CACNB1: variants seen among roughly 807,000 people sequenced by gnomAD.
CACNB1 encodes the protein voltage-dependent L-type calcium channel subunit beta-1.
In CACNB1, 29 loss-of-function variants were observed where a neutral mutation model predicts 71.6. The ratio of observed to expected loss-of-function variants is 0.40; its 90% CI spans 0.30 to 0.55. The LOEUF (loss-of-function observed/expected upper bound fraction) is 0.55. Ranked by LOEUF, CACNB1 falls within the 20% of genes least tolerant of loss-of-function variation. The probability of loss-of-function intolerance (pLI) is 0.38; values close to 1 mark genes in which losing one functional copy is unlikely to be tolerated. For synonymous variants in CACNB1, 300 were observed against 319.6 expected, an observed-to-expected ratio of 0.94 and a Z score of 0.65; for missense variants, 623 against 801.8, an observed-to-expected ratio of 0.78 and a Z score of 2.69.
chr17:39,177,181 C>G (rs2045601118), intron 13 of CACNB1, 169 bp downstream of exon 13: 2 of 1,457,542 alleles, frequency 1.4e-6, no homozygotes, highest in African/African-American at 2.8e-5. Flanking sequence ...TTCCCTTCCT[C>G]CTCCATGTTC....
chr17:39,178,738 C>T (rs1284721876), intron 11 of CACNB1, among the ~76,000 whole-genome samples: 1 of 152,138 alleles, frequency 6.6e-6, no homozygotes, highest in Non-Finnish European at 1.5e-5. Context: ...GGGGCACTTG[C>T]TACATACCAG....
intron 6 of CACNB1, among the ~76,000 whole-genome samples, chr17:39,185,728 G>A (rs953509689): frequency 6.6e-6 from 1 of 152,060 alleles, no homozygotes; most frequent in African/African-American, 2.4e-5. Context: ...AGGTGTGGGG[G>A]CAACCTTCCA....
intron 13 of CACNB1, among the ~76,000 whole-genome samples, chr17:39,176,894 T>G (rs553661601): frequency 4.6e-5 from 7 of 151,846 alleles, no homozygotes; most frequent in Non-Finnish European, 7.4e-5. Context: ...GGAGGGAGAG[T>G]CCAGGTTTAA....
Position 39,184,401 on chromosome 17 carries a change from TGGGG to T in CACNB1, c.730-22_730-19del. On this transcript the variant is annotated intron_variant, in intron 8 of 13. Transcript: ENST00000394303. ...TCTGTAACCTGGGGGTGGGGGTTTGTGGGGAGGGAGGGAGGAGAAGGCAGGCATT... is the reference window on the plus strand; with the variant it reads ...TCTGTAACCTGGGGGTGGGGGTTTGTAGGGAGGGAGGAGAAGGCAGGCATT... 3 of 509,376 alleles carry T rather than the reference TGGGG, an allele frequency of 5.9e-6. No individual in the cohort carries two copies. The highest frequency in any genetic ancestry group is 5.7e-4 in the Middle Eastern group (1 of 1,766). 31.6% of individuals were successfully genotyped at this position (509,376 alleles called of 1,614,324 possible). A position where few individuals can be genotyped will look rare whatever the true frequency, so the allele number is the denominator to read the frequency against.
At chr17:39,191,685 C>T in intron 2 of CACNB1, 92 bp from the exon 3 acceptor site, 1 of 1,370,594 alleles carries the variant, frequency 7.3e-7, no homozygotes. Flanking sequence ...TCATGGATGC[C>T]TCGAGCCCCA....
At chr17:39,185,939 G>C (rs1254399360) in intron 6 of CACNB1, 1 of 1,609,776 alleles carries the variant, frequency 6.2e-7, no homozygotes, top group African/African-American at 1.3e-5. Flanking sequence ...CAAGAACACA[G>C]CGAGAATTAC....
Position 39,175,050 on chromosome 17 carries a change from AG to A in CACNB1, c.*142del, listed in dbSNP as rs1317077979. 1.1e-5 allele frequency: 8 copies of A among 733,322 alleles called. No homozygotes were observed. The Middle Eastern group carries it at 1.2e-3, about 109-fold the overall frequency. The allele number at this position is 733,322 out of a possible 1,614,324, so 45.4% of individuals were successfully genotyped here. A position where few individuals can be genotyped will look rare whatever the true frequency, so the allele number is the denominator to read the frequency against. On this transcript the variant is annotated 3_prime_UTR_variant, in exon 14 of 14. Coordinates refer to ENST00000394303, the MANE Select transcript of CACNB1 (RefSeq NM_000723.5). This position sits in a 1 kb window ranked among gnomAD's most constrained non-coding sequence, Gnocchi z 4.7. ...CCGGGAGCTGGGATGGTAACACCAA[AG>A]AAACCCCAAGCTTTGAGCAAAGGCA...
rs1424229046 is a variant in CACNB1, at chr17:39,186,603, A to C, written c.552-31T>G. ...TGGGCAGAGGCAAACCGAGCTTGTG[A>C]GCAAAGAGGTGGGCGTGGGGGGCTC... On this transcript the variant is annotated intron_variant, in intron 5 of 13. Coordinates refer to ENST00000394303, the MANE Select transcript of CACNB1 (RefSeq NM_000723.5). The surrounding 1 kb of genome is among the most constrained non-coding windows in gnomAD (Gnocchi z 4.1). 1 of 1,600,382 alleles carries C rather than the reference A, an allele frequency of 6.2e-7. No individual in the cohort carries two copies. The highest frequency in any genetic ancestry group is 1.7e-5 in the Admixed American group (1 of 59,714).
At chr17:39,189,896 G>C (rs1039085906) in intron 3 of CACNB1, among the ~76,000 whole-genome samples, 1 of 150,462 alleles carries the variant, frequency 6.6e-6, no homozygotes, top group Non-Finnish European at 1.5e-5. Context: ...CAGATCACCA[G>C]GTCAGGAGTT....
In CACNB1 at chr17:39,175,263, C is replaced by T. The variant is rs1339094698; in HGVS notation, c.1727G>A (p.Gly576Asp). The change falls in exon 14 of 14, where the codon GGT becomes GAT. Residue 576 changes from glycine (G) to aspartate (D), a missense_variant. By Grantham distance (94) the Gly-to-Asp change is moderately conservative. Coordinates refer to ENST00000394303, the MANE Select transcript of CACNB1 (RefSeq NM_000723.5). This position sits in a 1 kb window ranked among gnomAD's most constrained non-coding sequence, Gnocchi z 4.7. Reference sequence around the variant, plus strand: ...GTTGCGCCCCAAAACTGGACCCCCACCCTCAGCGCAGTAGCGGGCCTTATT... The same window carrying T: ...GTTGCGCCCCAAAACTGGACCCCCATCCTCAGCGCAGTAGCGGGCCTTATT... ...GRNKARYCAEGGGPVLGRNKN... is the reference protein window; with the variant it reads ...GRNKARYCAEDGGPVLGRNKN... 1.2e-6 allele frequency: 2 copies of T among 1,614,056 alleles called. No homozygotes were observed. Among genetic ancestry groups the T allele is most frequent in the Admixed American group, 1.7e-5 (1 of 59,994 alleles).
At chr17:39,179,280 C>CAAA (rs35292368) in intron 11 of CACNB1, among the ~76,000 whole-genome samples, 32 of 48,514 alleles carry the variant, frequency 6.6e-4, no homozygotes, top group African/African-American at 8.4e-4. Flanking sequence ...GACTCCGTCT[C>CAAA]AAAAAAAAAA....
intron 12 of CACNB1, 21 bp downstream of exon 12, chr17:39,177,963 C>T (rs2045630982): frequency 5.1e-6 from 8 of 1,580,384 alleles, no homozygotes; most frequent in Non-Finnish European, 7.0e-6. Context: ...CCATTCCCTT[C>T]CCTGGGATCT....
intron 11 of CACNB1, among the ~76,000 whole-genome samples, chr17:39,182,171 A>G (rs2045783638): frequency 6.7e-6 from 1 of 150,018 alleles, no homozygotes; most frequent in Non-Finnish European, 1.5e-5. Context: ...AAAAGAAAAA[A>G]AAAAAAAGCC....
chr17:39,197,019 C>T (rs140779208), intron 1 of CACNB1, among the ~76,000 whole-genome samples: 1 of 152,008 alleles, frequency 6.6e-6, no homozygotes, highest in African/African-American at 2.4e-5. Context: ...CCGCCTGGCG[C>T]CCCCGAGCGT....
chr17:39,194,187 A>G lies in CACNB1; in HGVS notation c.171+697T>C, dbSNP rs549501336. ...GATGCTAAGTAGTCATAGCAACCAC[A>G]TGCCTCTCTCAGTCCCTCACCCTGA... On this transcript the variant is annotated intron_variant, in intron 2 of 13. Transcript: ENST00000394303. This position sits in a 1 kb window ranked among gnomAD's most constrained non-coding sequence, Gnocchi z 4.6. 1.3e-5 allele frequency among the ~76,000 whole-genome samples: 2 copies of G among 152,100 alleles called. No homozygotes were observed. Among genetic ancestry groups the G allele is most frequent in the Non-Finnish European group, 2.9e-5 (2 of 68,020 alleles).
chr17:39,192,233 G>T (rs1200669692), intron 2 of CACNB1: 1 of 153,162 alleles, frequency 6.5e-6, no homozygotes, highest in Non-Finnish European at 1.5e-5. Context: ...TTCCAGGCTG[G>T]TACAGACCGA....
intron 11 of CACNB1, among the ~76,000 whole-genome samples, chr17:39,178,885 A>C (rs146401720): frequency 2.4e-4 from 37 of 152,320 alleles, no homozygotes; most frequent in Non-Finnish European, 4.1e-4. Context: ...ATGAGGAACA[A>C]TCACACAAAC....
intron 11 of CACNB1, among the ~76,000 whole-genome samples, chr17:39,181,892 G>A (rs1007399124): frequency 6.6e-6 from 1 of 152,108 alleles, no homozygotes; most frequent in African/African-American, 2.4e-5. Context: ...GCCGGGCACA[G>A]TGGCTCACAC....
At chr17:39,179,647 C>T (rs1567794180) in intron 11 of CACNB1, among the ~76,000 whole-genome samples, 1 of 151,886 alleles carries the variant, frequency 6.6e-6, no homozygotes, top group Non-Finnish European at 1.5e-5. Flanking sequence ...ACCTGTAATC[C>T]CAGTACTTTG....
Sources: allele counts gnomAD v4.1 joint callset (sites outside exome capture counted in the v4.1 genomes callset), GRCh38; gene constraint gnomAD v4.1.1; non-coding constraint Gnocchi (gnomAD v3.1); transcripts MANE v1.5; gene names NCBI Gene and HGNC (gene_info 2026-07-23, HGNC 2026-07-21).